Variants in RNF11 observed in about 807,000 individuals in gnomAD.
The protein encoded by RNF11 is ring finger protein 11.
Under a neutral mutation model 15.8 loss-of-function variants are expected in RNF11, and 4 were observed. The observed-to-expected ratio is 0.25, with a 90% CI of 0.12 to 0.58. The LOEUF (loss-of-function observed/expected upper bound fraction) is 0.58, where lower values mean the gene tolerates loss of function less well. Ranked by LOEUF, RNF11 falls within the 20% of genes least tolerant of loss-of-function variation. The pLI is 0.91. For synonymous variants in RNF11, 68 were observed against 72.3 expected (o/e 0.94, Z 0.30); for missense variants, 139 against 194.4 (o/e 0.71, Z 1.70).
intron 1 of RNF11, among the ~76,000 whole-genome samples, chr1:51,266,376 A>G (rs1278905287): frequency 1.3e-5 from 2 of 151,860 alleles, no homozygotes; most frequent in African/African-American, 4.8e-5. Context: ...TTTTATTGTT[A>G]TTTAATCCAA....
At position 51,270,188 on chromosome 1, in the gene RNF11, C is replaced by T; in HGVS notation, c.293+63C>T. ...TTTCAGATTGCTTTTGAAAAATTTG[C>T]CTTTTCTCCTGCACTTTAGAAAGTC... On this transcript the variant is annotated intron_variant, in intron 2 of 2. Transcript: ENST00000242719. 4 of 1,284,238 alleles carry T rather than the reference C, an allele frequency of 3.1e-6. No homozygotes were observed. In the South Asian group the frequency reaches 4.1e-5, roughly 13 times the overall value. 79.6% of individuals were successfully genotyped at this position (1,284,238 alleles called of 1,614,324 possible). A position where few individuals can be genotyped will look rare whatever the true frequency, so the allele number is the denominator to read the frequency against.
At chr1:51,258,177 G>A (rs1646914113) in intron 1 of RNF11, among the ~76,000 whole-genome samples, 1 of 151,288 alleles carries the variant, frequency 6.6e-6, no homozygotes, top group Non-Finnish European at 1.5e-5. Context: ...CTAGTGATCA[G>A]TGATAATCGG....
Position 51,269,935 on chromosome 1 carries a change from C to A in RNF11, c.124-21C>A, listed in dbSNP as rs749003966. 7 of 1,596,036 alleles carry A rather than the reference C, an allele frequency of 4.4e-6. No individual in the cohort carries two copies. In the East Asian group the frequency reaches 1.6e-4, roughly 36 times the overall value. On this transcript the variant is annotated intron_variant, in intron 1 of 2. Transcript: ENST00000242719. The stretch of plus-strand genomic sequence containing the variant: ...AGGTTTTTAAAAAATAATCTTTTTC[C>A]TCTATATTTTAATATTTTAGGAACA...
intron 1 of RNF11, among the ~76,000 whole-genome samples, chr1:51,259,723 C>CTGT (rs919639289): frequency 6.6e-6 from 1 of 152,156 alleles, no homozygotes; most frequent in Non-Finnish European, 1.5e-5. Flanking sequence ...AAACCTTTTC[C>CTGT]TGTTCTTTTC....
chr1:51,241,758 C>G (rs1178352164), intron 1 of RNF11, among the ~76,000 whole-genome samples: 3 of 152,104 alleles, frequency 2.0e-5, no homozygotes, highest in African/African-American at 4.8e-5. Flanking sequence ...CCAGCGAAGG[C>G]AATCTTGGAA....
intron 1 of RNF11, among the ~76,000 whole-genome samples, chr1:51,255,730 T>C (rs994044202): frequency 1.3e-5 from 2 of 152,214 alleles, no homozygotes; most frequent in Non-Finnish European, 2.9e-5. Flanking sequence ...TTGAAAATAG[T>C]TTTCTTTTCT....
intron 1 of RNF11, among the ~76,000 whole-genome samples, chr1:51,256,453 TCTATTTAC>T (rs1375518220): frequency 2.0e-5 from 3 of 152,214 alleles, no homozygotes; most frequent in Admixed American, 2.0e-4. Flanking sequence ...CTGTAGTTTA[TCTATTTAC>T]CTATCGAAGG....
At chr1:51,259,847 G>A (rs536426101) in intron 1 of RNF11, among the ~76,000 whole-genome samples, 16 of 152,296 alleles carry the variant, frequency 1.1e-4, no homozygotes, top group South Asian at 2.1e-4. Flanking sequence ...ATCAAATAGC[G>A]TATGTAGGAG....
chr1:51,257,545 C>A (rs560652421), intron 1 of RNF11, among the ~76,000 whole-genome samples: 1 of 152,104 alleles, frequency 6.6e-6, no homozygotes, highest in East Asian at 1.9e-4. Context: ...ACCTCTGCCC[C>A]CTCCGATTCA....
chr1:51,236,765 C>A lies in RNF11; in HGVS notation c.9C>A (p.Asn3Lys). The A allele has an allele frequency of 6.2e-7, 1 of 1,613,514 alleles. No homozygotes were observed. The highest frequency in any genetic ancestry group is 8.5e-7 in the Non-Finnish European group (1 of 1,179,752). ...CACCCCAGCTCCGGAAGATGGGGAA[C>A]TGCCTCAAATCCCCCACCTCGGATG... MG[N>K]CLKSPTSDDI... The change falls in exon 1 of 3, where the codon AAC becomes AAA. Residue 3 changes from asparagine to lysine, a missense_variant. By Grantham distance (94) the Asn-to-Lys change is moderately conservative (BLOSUM62 0). Coordinates refer to ENST00000242719, the MANE Select transcript of RNF11 (RefSeq NM_014372.5).
chr1:51,263,207 C>A (rs151188666), intron 1 of RNF11, among the ~76,000 whole-genome samples: 210 of 152,244 alleles, frequency 1.4e-3, no homozygotes, highest in Non-Finnish European at 2.3e-3. Context: ...TGTACAAAAA[C>A]TTATACATGT....
Position 51,248,096 on chromosome 1 carries a change from CTTT to C in RNF11, c.123+11237_123+11239del, listed in dbSNP as rs1157196813. Among the ~76,000 whole-genome samples the C allele has an allele frequency of 9.4e-4, 86 of 91,690 alleles. 1 individual carries two copies. Among genetic ancestry groups the C allele is most frequent in the African/African-American group, 2.5e-3 (66 of 26,456 alleles). 60.2% of individuals were successfully genotyped at this position (91,690 alleles called of 152,430 possible). A position where few individuals can be genotyped will look rare whatever the true frequency, so the allele number is the denominator to read the frequency against. ...TACCATGCTTGATACCTAGTTTCTTCTTTTTTTTTTTTTTTTTTTTTTGAGATG... is the reference window on the plus strand; with the variant it reads ...TACCATGCTTGATACCTAGTTTCTTCTTTTTTTTTTTTTTTTTTTGAGATG... On this transcript the variant is annotated intron_variant, in intron 1 of 2. Coordinates refer to ENST00000242719, the MANE Select transcript of RNF11 (RefSeq NM_014372.5).
chr1:51,240,060 T>C (rs1322662201), intron 1 of RNF11, among the ~76,000 whole-genome samples: 2 of 152,224 alleles, frequency 1.3e-5, no homozygotes, highest in Non-Finnish European at 2.9e-5. Context: ...AGGCCTGTCC[T>C]CAATACAACA....
chr1:51,250,566 T>G, intron 1 of RNF11: 1 of 599,516 alleles, frequency 1.7e-6, no homozygotes, highest in East Asian at 2.7e-5. Flanking sequence ...TTTTTTACGC[T>G]TAATTCGCTT....
At chr1:51,257,866 T>TG (rs1162158724) in intron 1 of RNF11, among the ~76,000 whole-genome samples, 1 of 145,414 alleles carries the variant, frequency 6.9e-6, no homozygotes, top group Non-Finnish European at 1.5e-5. Flanking sequence ...TTTTTTTTTT[T>TG]TTTTTGAGAC....
Position 51,271,659 on chromosome 1 carries a change from T to C in RNF11, c.*337T>C, listed in dbSNP as rs1221770284. On this transcript the variant is annotated 3_prime_UTR_variant, in exon 3 of 3. Transcript: ENST00000242719. ...TGTGTATTGAAGATTAGGAAAAAGA[T>C]AGTAGTTATTTTTCCTAAATGAAAT... 6.1e-6 allele frequency: 1 copy of C among 164,232 alleles called. No homozygotes were observed. The highest frequency in any genetic ancestry group is 1.3e-5 in the Non-Finnish European group (1 of 75,970). 10.2% of individuals were successfully genotyped at this position (164,232 alleles called of 1,614,324 possible).
rs1646987036 is a variant in RNF11 at position 51,273,051 on chromosome 1, A to G, written c.*1729A>G. On this transcript the variant is annotated 3_prime_UTR_variant, in exon 3 of 3. Transcript: ENST00000242719. ...AAATTGTTACATGTATCTTGCTTAA[A>G]TTTCTGTTTATTAATTTATATCCAC... 6.6e-6 allele frequency: 1 copy of G among 152,144 alleles called. No homozygotes were observed. Among genetic ancestry groups the G allele is most frequent in the Non-Finnish European group, 1.5e-5 (1 of 67,998 alleles). 9.4% of individuals were successfully genotyped at this position (152,144 alleles called of 1,614,324 possible).
intron 1 of RNF11, chr1:51,266,138 A>G (rs968096687): frequency 6.6e-6 from 1 of 152,248 alleles, no homozygotes; most frequent in African/African-American, 2.4e-5. Context: ...CAGAAATTCC[A>G]GGGAATGCCT....
At chr1:51,256,855 G>C (rs1000189442) in intron 1 of RNF11, among the ~76,000 whole-genome samples, 3 of 152,124 alleles carry the variant, frequency 2.0e-5, no homozygotes, top group African/African-American at 7.2e-5. Context: ...TGCATTTTTA[G>C]TAGAGACGGG....
Sources: allele counts gnomAD v4.1 joint callset (sites outside exome capture counted in the v4.1 genomes callset), GRCh38; gene constraint gnomAD v4.1.1; transcripts MANE v1.5; gene names NCBI Gene and HGNC (gene_info 2026-07-23, HGNC 2026-07-21).